Variants in CCDC158 observed in about 807,000 individuals in gnomAD.
CCDC158 encodes coiled-coil domain containing 158, also known as coiled-coil domain-containing protein 158.
A neutral mutation model predicts 138.6 loss-of-function variants in CCDC158; 116 were observed. The observed-to-expected ratio is 0.84, with a 90% confidence interval of 0.72 to 0.98. The LOEUF is 0.98. Ranked by LOEUF, CCDC158 falls within the 50% of genes least tolerant of loss-of-function variation. CCDC158 has a pLI of 0.00. For synonymous variants in CCDC158, 436 were observed against 442.4 expected (o/e 0.99, Z 0.18); for missense variants, 1,265 against 1,306.1 (o/e 0.97, Z 0.48).
intron 2 of CCDC158, among the ~76,000 whole-genome samples, chr4:76,408,034 T>C (rs1728970204): frequency 1.3e-5 from 2 of 151,722 alleles, no homozygotes; most frequent in Admixed American, 6.6e-5. Context: ...ATAGGTTTAT[T>C]CACTTAAACA....
intron 10 of CCDC158, among the ~76,000 whole-genome samples, chr4:76,370,908 T>TA (rs201727932): frequency 0.011 from 1,613 of 152,258 alleles, 25 homozygotes; most frequent in African/African-American, 0.037. Flanking sequence ...GCCGAGAAAT[T>TA]TATTCTGTTA....
At position 76,367,200 on chromosome 4, in the gene CCDC158, G is replaced by A; in HGVS notation, c.1830+94C>T. 6 of 1,338,474 alleles carry A rather than the reference G, an allele frequency of 4.5e-6. No homozygotes were observed. The South Asian group carries it at 8.5e-5, about 19-fold the overall frequency. The allele number at this position is 1,338,474 out of a possible 1,614,324, so 82.9% of individuals were successfully genotyped here. On this transcript the variant is annotated intron_variant, in intron 12 of 24. Transcript: ENST00000682701. The stretch of plus-strand genomic sequence containing the variant: ...ACAAACACCTTCCAACAGTTTCAGA[G>A]TGTCCACAGATACCAAGAACCACTT...
chr4:76,376,869 C>T (rs760909762), intron 9 of CCDC158, among the ~76,000 whole-genome samples: 1 of 152,172 alleles, frequency 6.6e-6, no homozygotes, highest in South Asian at 2.1e-4. Flanking sequence ...AGCTGATATG[C>T]CCTCCTTATT....
rs1217013092 is a variant in CCDC158, at chr4:76,367,737, C to T, written c.1387G>A (p.Val463Ile). The T allele has an allele frequency of 1.2e-6, 2 of 1,607,202 alleles. No individual in the cohort carries two copies. Among genetic ancestry groups the T allele is most frequent in the South Asian group, 2.2e-5 (2 of 89,818 alleles). The part of the protein sequence containing the change: ...IQGKNESLEK[V>I]SSLTAQLEST... ...TCAAGCTGAGCAGTCAAGGAGGATA[C>T]TTTTTCTAGACTTTCATTCTTTCCT... The change falls in exon 12 of 25, where the codon GTA becomes ATA. Residue 463 changes from valine (V) to isoleucine (I), a missense_variant. Val to Ile is a conservative substitution (Grantham distance 29, BLOSUM62 3). Coordinates refer to ENST00000682701, the MANE Select transcript of CCDC158 (RefSeq NM_001394954.1).
At chr4:76,351,849 T>TAAAGAATGCAAGA in intron 16 of CCDC158, 37 bp from the exon 17 acceptor site, 2 of 1,276,814 alleles carry the variant, frequency 1.6e-6, no homozygotes, top group Non-Finnish European at 2.3e-6. Flanking sequence ...TTATCTTGCA[T>TAAAGAATGCAAGA]TCTTTATGCA....
chr4:76,342,122 C>A (rs534523482), intron 18 of CCDC158, among the ~76,000 whole-genome samples: 4 of 152,210 alleles, frequency 2.6e-5, no homozygotes, highest in Admixed American at 2.6e-4. Flanking sequence ...CCAGGCACTG[C>A]AACCTCGTAC....
In CCDC158 at chr4:76,369,486, C is replaced by T; in HGVS notation, c.1287G>A (p.Gln429=). 6.2e-7 allele frequency: 1 copy of T among 1,614,200 alleles called. No individual in the cohort carries two copies. Among genetic ancestry groups the T allele is most frequent in the Non-Finnish European group, 8.5e-7 (1 of 1,180,030 alleles). Residue 429 remains glutamine, a synonymous_variant, in exon 11 of 25, where the codon CAG becomes CAA. Coordinates refer to ENST00000682701, the MANE Select transcript of CCDC158 (RefSeq NM_001394954.1). ...AGGCCTTGAGCAGGGCTTCCAGGCG[C>T]TGCACCTCCATGTTCCGGTTGTCCA... ...RELDNRNMEV[Q]RLEALLKALK... is the part of the protein sequence containing the mutation.
At chr4:76,334,293 C>A in intron 18 of CCDC158, 126 bp from the exon 19 acceptor site, 1 of 788,100 alleles carries the variant, frequency 1.3e-6, no homozygotes, top group Non-Finnish European at 2.0e-6. Flanking sequence ...AAAAAAATCA[C>A]CCACAAGCTT....
intron 3 of CCDC158, among the ~76,000 whole-genome samples, chr4:76,402,511 G>T (rs1475217260): frequency 1.3e-5 from 2 of 152,200 alleles, no homozygotes; most frequent in African/African-American, 4.8e-5. Flanking sequence ...GGCATGGTTG[G>T]TAGCAGCTTC....
At position 76,344,789 on chromosome 4, in the gene CCDC158, C is replaced by T. The variant is rs1442963494; in HGVS notation, c.2664+6207G>A. The T allele has an allele frequency of 1.8e-5, 29 of 1,607,364 alleles. No homozygotes were observed. In the Admixed American group the frequency reaches 2.5e-4, roughly 14 times the overall value. ...TTATTCCACCTGCTGCTATGAAGCCCGACTTCAATGGTCCTCGAGAGAAGA... is the reference window on the plus strand; with the variant it reads ...TTATTCCACCTGCTGCTATGAAGCCTGACTTCAATGGTCCTCGAGAGAAGA... On this transcript the variant is annotated intron_variant, in intron 18 of 24. Coordinates refer to ENST00000682701, the MANE Select transcript of CCDC158 (RefSeq NM_001394954.1).
intron 2 of CCDC158, among the ~76,000 whole-genome samples, chr4:76,403,872 A>G (rs1728605393): frequency 6.6e-6 from 1 of 152,162 alleles, no homozygotes; most frequent in South Asian, 2.1e-4. Flanking sequence ...CAGCCCACCT[A>G]CCAACACTAC....
chr4:76,369,654 C>T (rs1306694934), intron 10 of CCDC158, 31 bp from the exon 11 acceptor site: 2 of 1,560,430 alleles, frequency 1.3e-6, no homozygotes, highest in African/African-American at 2.7e-5. Flanking sequence ...TTTTTTCCTC[C>T]CTGCTATTAA....
intron 18 of CCDC158, among the ~76,000 whole-genome samples, chr4:76,349,801 G>GA (rs1722889831): frequency 6.6e-6 from 1 of 152,114 alleles, no homozygotes; most frequent in African/African-American, 2.4e-5. Flanking sequence ...AAGCTGCTAG[G>GA]AAAAATCTAA....
chr4:76,357,984 CAT>C (rs1491453237), intron 13 of CCDC158, among the ~76,000 whole-genome samples: 3 of 112,470 alleles, frequency 2.7e-5, no homozygotes, highest in South Asian at 7.2e-4. Context: ...ACAATACACA[CAT>C]GTGTGCACAC....
chr4:76,418,237 G>A (rs1234967803), intron 1 of CCDC158, among the ~76,000 whole-genome samples: 1 of 152,184 alleles, frequency 6.6e-6, no homozygotes, highest in African/African-American at 2.4e-5. Context: ...TCTGAAGTAG[G>A]CCAGTCATTA....
chr4:76,351,918 C>T (rs1723082342), intron 16 of CCDC158, 106 bp from the exon 17 acceptor site: 5 of 669,680 alleles, frequency 7.5e-6, no homozygotes, highest in Non-Finnish European at 2.6e-6. Context: ...ATCTTCCTGC[C>T]CTTCTACCAA....
At chr4:76,340,346 A>G (rs1721935886) in intron 18 of CCDC158, among the ~76,000 whole-genome samples, 2 of 152,236 alleles carry the variant, frequency 1.3e-5, no homozygotes, top group African/African-American at 2.4e-5. Context: ...AAGGCCCCCA[A>G]ACTGGGAAGG....
In CCDC158 at chr4:76,362,135, T is replaced by G; in HGVS notation, c.2011A>C (p.Asn671His). ...EVKTSRSELN[N>H]LSEEYEVLKR... is the part of the protein sequence containing the mutation. The stretch of plus-strand genomic sequence containing the variant: ...TGCTGAAGCAACATACCTGAAAGAT[T>G]GTTTAATTCACTCCTACTTGTTTTC... Residue 671 changes from asparagine to histidine, a missense_variant, in exon 13 of 25, where the codon AAT becomes CAT. Asn to His is a moderately conservative substitution (Grantham distance 68). Transcript: ENST00000682701. 1 of 1,613,264 alleles carries G rather than the reference T, an allele frequency of 6.2e-7. No homozygotes were observed.
In CCDC158 at chr4:76,345,674, A is replaced by G. The variant is rs1035570876; in HGVS notation, c.2664+5322T>C. On this transcript the variant is annotated intron_variant, in intron 18 of 24. Coordinates refer to ENST00000682701, the MANE Select transcript of CCDC158 (RefSeq NM_001394954.1). ...CTTAAATCATTACCATGGAAGATTT[A>G]TTAGCTTTAACTTTAGTTTAAAATT... is the stretch of plus-strand genomic sequence containing the variant. 18 of 714,106 alleles carry G rather than the reference A, an allele frequency of 2.5e-5. No individual in the cohort carries two copies. In the African/African-American group the frequency reaches 2.8e-4, roughly 11 times the overall value. 44.2% of individuals were successfully genotyped at this position (714,106 alleles called of 1,614,324 possible). A position where few individuals can be genotyped will look rare whatever the true frequency, so the allele number is the denominator to read the frequency against.
Sources: gnomAD v4.1 joint callset for allele counts (sites outside exome capture counted in the v4.1 genomes callset) on GRCh38, gnomAD v4.1.1 for gene constraint, MANE v1.5 for transcripts, NCBI Gene and HGNC (gene_info 2026-07-23, HGNC 2026-07-21) for gene names.